The following WFDC9 variants were observed in gnomAD, a reference collection of about 807,000 sequenced individuals.
WFDC9 encodes the protein WAP four-disulfide core domain 9.
Under a neutral mutation model 9.5 loss-of-function variants are expected in WFDC9, and 9 were observed. That is an observed-to-expected ratio of 0.95 (90% confidence interval 0.57 to 1.65). The LOEUF (loss-of-function observed/expected upper bound fraction) is 1.65. Among genes scored for constraint, WFDC9 ranks in the 40% most tolerant of loss-of-function variants. The pLI is 0.00. For synonymous variants in WFDC9, 33 were observed against 32.3 expected (o/e 1.02, Z -0.07); for missense variants, 87 against 106.7 (o/e 0.82, Z 0.81).
In WFDC9 at chr20:45,625,870, G is replaced by A. The variant is rs112414169; in HGVS notation, c.-153+5333C>T. On this transcript the variant is annotated intron_variant, in intron 1 of 4. Transcript: ENST00000326000. ...TTGCTCTTGTTGCCCAGGCTGGAGTGCAGTGGCACAATCTTGGCTCACTGC... is the reference window on the plus strand; with the variant it reads ...TTGCTCTTGTTGCCCAGGCTGGAGTACAGTGGCACAATCTTGGCTCACTGC... Among the ~76,000 whole-genome samples, 22 of 126,546 alleles carry A rather than the reference G, an allele frequency of 1.7e-4. 1 individual carries two copies. The highest frequency in any genetic ancestry group is 6.7e-4 in the African/African-American group (22 of 32,970). The allele number at this position is 126,546 out of a possible 152,430, so 83.0% of individuals were successfully genotyped here.
chr20:45,615,868 A>G (rs558749978), intron 1 of WFDC9, among the ~76,000 whole-genome samples: 27 of 152,290 alleles, frequency 1.8e-4, no homozygotes, highest in African/African-American at 6.0e-4. Flanking sequence ...TTATGTATAA[A>G]AAATAATGTG....
At chr20:45,629,961 C>G (rs1982317018) in intron 1 of WFDC9, 2 of 1,593,726 alleles carry the variant, frequency 1.3e-6, no homozygotes, top group Admixed American at 1.7e-5. Context: ...AATGGAGGGC[C>G]TGTGTCCAGT....
At chr20:45,612,630 TTAAC>T (rs1246083742) in intron 2 of WFDC9, among the ~76,000 whole-genome samples, 5 of 152,078 alleles carry the variant, frequency 3.3e-5, no homozygotes, top group African/African-American at 1.2e-4. Flanking sequence ...CTGTAAAAAT[TTAAC>T]TATTGCAATC....
chr20:45,609,422 C>T (rs996732200), intron 3 of WFDC9, among the ~76,000 whole-genome samples: 8 of 151,980 alleles, frequency 5.3e-5, no homozygotes, highest in African/African-American at 1.7e-4. Flanking sequence ...TGGGCAGTCT[C>T]GAACCCCTGA....
At chr20:45,625,537 A>G (rs1464114580) in intron 1 of WFDC9, among the ~76,000 whole-genome samples, 1 of 152,102 alleles carries the variant, frequency 6.6e-6, no homozygotes, top group African/African-American at 2.4e-5. Flanking sequence ...TTTTTGTAAG[A>G]TCATGAAAAT....
chr20:45,609,174 G>C (rs534460511), intron 3 of WFDC9, among the ~76,000 whole-genome samples: 82 of 152,074 alleles, frequency 5.4e-4, no homozygotes, highest in Admixed American at 1.5e-3. Context: ...ACTGAGCCAA[G>C]GGAGAATAGA....
intron 2 of WFDC9, among the ~76,000 whole-genome samples, chr20:45,611,020 C>T (rs1981849161): frequency 6.6e-6 from 1 of 152,174 alleles, no homozygotes; most frequent in African/African-American, 2.4e-5. Flanking sequence ...CCAAAGCGGC[C>T]TGTAGTAGCA....
chr20:45,624,232 A>G (rs940742708), intron 1 of WFDC9, among the ~76,000 whole-genome samples: 1 of 151,994 alleles, frequency 6.6e-6, no homozygotes, highest in Non-Finnish European at 1.5e-5. Context: ...CCTTCCCACT[A>G]TGCTTCCTAG....
chr20:45,616,195 T>A (rs902646603), intron 1 of WFDC9, among the ~76,000 whole-genome samples: 1 of 152,192 alleles, frequency 6.6e-6, no homozygotes, highest in Admixed American at 6.5e-5. Context: ...TGCTGCTGGT[T>A]TATCTAAGTT....
At chr20:45,611,771 T>C (rs537325585) in intron 2 of WFDC9, among the ~76,000 whole-genome samples, 3 of 152,308 alleles carry the variant, frequency 2.0e-5, no homozygotes, top group South Asian at 4.2e-4. Context: ...CTTTGGATAA[T>C]TGCCGCCACA....
intron 1 of WFDC9, among the ~76,000 whole-genome samples, chr20:45,622,336 A>G (rs1012496453): frequency 1.3e-5 from 2 of 152,204 alleles, no homozygotes; most frequent in African/African-American, 4.8e-5. Context: ...ATGTGGCTAG[A>G]TATGCAAGTT....
rs1982363945 is a variant in WFDC9 at position 45,631,240 on chromosome 20, A to G, written c.-190T>C. The stretch of plus-strand genomic sequence containing the variant: ...CACTACAGATGATCATTGAGAGCTC[A>G]CTGTGGCCCCTACAGATGCCCCACT... On this transcript the variant is annotated 5_prime_UTR_variant, in exon 1 of 5. Transcript: ENST00000326000. 1 of 401,928 alleles carries G rather than the reference A, an allele frequency of 2.5e-6. No individual in the cohort carries two copies. Among genetic ancestry groups the G allele is most frequent in the African/African-American group, 2.1e-5 (1 of 48,340 alleles). The allele number at this position is 401,928 out of a possible 1,614,324, so 24.9% of individuals were successfully genotyped here.
At chr20:45,610,358 G>C (rs1350435432) in intron 2 of WFDC9, 119 bp from the exon 3 acceptor site, 4 of 486,870 alleles carry the variant, frequency 8.2e-6, no homozygotes, top group African/African-American at 7.8e-5. Flanking sequence ...CCAACTCCCA[G>C]GCTAGCCAGT....
chr20:45,629,635 C>T, intron 1 of WFDC9: 3 of 635,490 alleles, frequency 4.7e-6, no homozygotes, highest in Non-Finnish European at 7.4e-6. Flanking sequence ...TGACGAACGA[C>T]AAGGCCAGGG....
intron 1 of WFDC9, among the ~76,000 whole-genome samples, chr20:45,629,109 G>A (rs1004568683): frequency 1.3e-5 from 2 of 152,048 alleles, no homozygotes; most frequent in Non-Finnish European, 2.9e-5. Flanking sequence ...GTGTTTATGT[G>A]TGTTTAAATT....
chr20:45,627,461 C>T (rs551153514), intron 1 of WFDC9, among the ~76,000 whole-genome samples: 28 of 151,658 alleles, frequency 1.8e-4, no homozygotes, highest in African/African-American at 2.4e-4. Context: ...ACTTTTGTTT[C>T]AGGGGAGACT....
chr20:45,610,115 C>T lies in WFDC9; in HGVS notation c.67G>A (p.Gly23Arg). 3 of 1,614,020 alleles carry T rather than the reference C, an allele frequency of 1.9e-6. No homozygotes were observed. Among genetic ancestry groups the T allele is most frequent in the Non-Finnish European group, 2.5e-6 (3 of 1,179,964 alleles). Residue 23 changes from glycine (G) to arginine (R), a missense_variant, in exon 3 of 5, where the codon GGA becomes AGA. Physicochemically the swap from Gly to Arg is moderately radical, Grantham distance 125 (BLOSUM62 -2). Coordinates refer to ENST00000326000, the MANE Select transcript of WFDC9 (RefSeq NM_147198.4). ...SGVVMLLPVLGSFWNKDPFLD... is the reference protein window; with the variant it reads ...SGVVMLLPVLRSFWNKDPFLD... ...CAGGGATCTTTGTTCCAGAAGCTTC[C>T]CAGCACAGGCAGAAGCATCACAACT... is the stretch of plus-strand genomic sequence containing the variant.
intron 4 of WFDC9, 50 bp downstream of exon 4, chr20:45,608,613 C>T (rs1353295449): frequency 2.5e-6 from 4 of 1,573,814 alleles, no homozygotes; most frequent in Non-Finnish European, 3.4e-6. Context: ...CGGTAAGGAC[C>T]AGTGATGAAG....
At chr20:45,616,299 C>T (rs6104247) in intron 1 of WFDC9, among the ~76,000 whole-genome samples, 27,455 of 152,104 alleles carry the variant, frequency 0.18, 2,684 homozygotes, top group East Asian at 0.32. Context: ...ACTTTCTTTG[C>T]TCATCTATAA....
Sources: gnomAD v4.1 joint callset for allele counts (sites outside exome capture counted in the v4.1 genomes callset) on GRCh38, gnomAD v4.1.1 for gene constraint, MANE v1.5 for transcripts, NCBI Gene and HGNC (gene_info 2026-07-23, HGNC 2026-07-21) for gene names.